HOOK1: variants seen among roughly 807,000 people sequenced by gnomAD.
HOOK1 encodes the protein hook microtubule tethering protein 1, also known as protein Hook homolog 1.
In HOOK1, 60 loss-of-function variants were observed where a neutral mutation model predicts 112.8. That is an observed-to-expected ratio of 0.53 (90% CI 0.43 to 0.66). The LOEUF is 0.66. HOOK1 is among the 30% of genes least tolerant of loss of function. HOOK1 has a pLI of 0.00. For missense variants in HOOK1, 770 were observed against 856.0 expected (o/e 0.90, Z 1.25); for synonymous variants, 294 against 283.8 (o/e 1.04, Z -0.36).
chr1:59,869,699 C>G (rs1644024463), intron 20 of HOOK1, among the ~76,000 whole-genome samples: 1 of 152,184 alleles, frequency 6.6e-6, no homozygotes, highest in African/African-American at 2.4e-5. Flanking sequence ...CGACACCAAC[C>G]CGATACGCCC....
At chr1:59,819,361 G>C (rs1008481038) in intron 1 of HOOK1, among the ~76,000 whole-genome samples, 1 of 151,834 alleles carries the variant, frequency 6.6e-6, no homozygotes, top group Non-Finnish European at 1.5e-5. Flanking sequence ...TGTTGGCCAG[G>C]CTGGTCTCGA....
At chr1:59,824,764 T>G (rs1176373911) in intron 2 of HOOK1, among the ~76,000 whole-genome samples, 2 of 152,194 alleles carry the variant, frequency 1.3e-5, no homozygotes, top group Non-Finnish European at 2.9e-5. Flanking sequence ...GTTTCTTAAT[T>G]ATTATCTTCA....
chr1:59,819,755 C>T (rs1159201162), intron 1 of HOOK1, among the ~76,000 whole-genome samples: 1 of 152,100 alleles, frequency 6.6e-6, no homozygotes. Context: ...TTCTAAGTTA[C>T]ACATTAAAAG....
At chr1:59,819,788 T>C (rs2102001279) in intron 1 of HOOK1, among the ~76,000 whole-genome samples, 1 of 152,348 alleles carries the variant, frequency 6.6e-6, no homozygotes. Context: ...TTGGAAGGGC[T>C]GAAAAGTGGA....
intron 9 of HOOK1, among the ~76,000 whole-genome samples, chr1:59,844,854 G>T (rs2098402821): frequency 6.6e-6 from 1 of 151,844 alleles, no homozygotes; most frequent in Non-Finnish European, 1.5e-5. Context: ...GTGAAAATTT[G>T]CTGCTAATCT....
Position 59,814,998 on chromosome 1 carries a change from G to T in HOOK1, c.-120G>T. The T allele has an allele frequency of 1.0e-6, 1 of 996,962 alleles. No individual in the cohort carries two copies. Among genetic ancestry groups the T allele is most frequent in the South Asian group, 1.4e-5 (1 of 69,446 alleles). 61.8% of individuals were successfully genotyped at this position (996,962 alleles called of 1,614,324 possible). A position where few individuals can be genotyped will look rare whatever the true frequency, so the allele number is the denominator to read the frequency against. ...CGAGGGTTCGCGCGTGAGCTGCGCG[G>T]GTCGGGCCTGGTACCGAGCTTTCCT... On this transcript the variant is annotated 5_prime_UTR_variant, in exon 1 of 22. Transcript: ENST00000371208.
intron 15 of HOOK1, among the ~76,000 whole-genome samples, chr1:59,860,851 G>A (rs1171493328): frequency 1.3e-5 from 2 of 150,422 alleles, no homozygotes; most frequent in Non-Finnish European, 2.9e-5. Context: ...TCGGCTCACT[G>A]CAACTTCCGC....
rs767941999 is a variant in HOOK1 at position 59,840,318 on chromosome 1, C to G, written c.548C>G (p.Ala183Gly). Residue 183 changes from alanine (A) to glycine (G), a missense_variant, in exon 8 of 22, where the codon GCC (alanine) becomes GGC (glycine). Ala to Gly is a moderately conservative substitution (Grantham distance 60). Around this residue, in one of 3 missense-constraint regions of HOOK1, gnomAD observed 655 missense variants for 725.9 expected, o/e 0.90. Coordinates refer to ENST00000371208, the MANE Select transcript of HOOK1 (RefSeq NM_015888.6). ...VGELEQQLKR[A>G]LEELQEALAE... ...CATTTTGTATTTCAGCTTAAAAGAG[C>G]CTTGGAAGAACTTCAGGAAGCACTA... 6.3e-7 allele frequency: 1 copy of G among 1,576,218 alleles called. No individual in the cohort carries two copies. The highest frequency in any genetic ancestry group is 1.8e-5 in the Admixed American group (1 of 54,122).
intron 20 of HOOK1, among the ~76,000 whole-genome samples, chr1:59,870,316 T>G (rs1312242647): frequency 6.6e-6 from 1 of 152,196 alleles, no homozygotes; most frequent in Non-Finnish European, 1.5e-5. Context: ...AGACACACAC[T>G]GCAAAAAGTA....
chr1:59,861,620 AT>A (rs1462798881), intron 15 of HOOK1, among the ~76,000 whole-genome samples: 1 of 152,224 alleles, frequency 6.6e-6, no homozygotes, highest in African/African-American at 2.4e-5. Context: ...GATAAGGAAT[AT>A]GGATACAGAG....
intron 12 of HOOK1, among the ~76,000 whole-genome samples, chr1:59,855,944 A>T (rs200557025): frequency 0.078 from 2,224 of 28,522 alleles, 126 homozygotes; most frequent in African/African-American, 0.23. Flanking sequence ...CAGCTAATTT[A>T]TATATATATA....
intron 1 of HOOK1, among the ~76,000 whole-genome samples, chr1:59,816,911 C>T (rs946195442): frequency 6.6e-6 from 1 of 152,166 alleles, no homozygotes; most frequent in African/African-American, 2.4e-5. Flanking sequence ...CCTAACATTG[C>T]CCATACTTAA....
chr1:59,829,716 AG>A (rs1372360206), intron 3 of HOOK1, among the ~76,000 whole-genome samples: 1 of 152,024 alleles, frequency 6.6e-6, no homozygotes, highest in Non-Finnish European at 1.5e-5. Flanking sequence ...TATTTTTTAA[AG>A]AATTAGTGTA....
At chr1:59,817,112 C>T (rs1281304633) in intron 1 of HOOK1, among the ~76,000 whole-genome samples, 3 of 152,228 alleles carry the variant, frequency 2.0e-5, no homozygotes, top group African/African-American at 7.2e-5. Context: ...TTTACAACTA[C>T]TTTCTCTCCA....
chr1:59,836,836 C>A, intron 6 of HOOK1, 37 bp from the exon 7 acceptor site: 2 of 1,123,380 alleles, frequency 1.8e-6, no homozygotes, highest in Admixed American at 1.9e-5. Context: ...ATAAACATCA[C>A]ATTGTTATAC....
rs1195704830 is a variant in HOOK1, at chr1:59,875,500, TG to T, written c.*2537del. ...ATGTAGTGAGTTGACACCCTGTGGGTGGTAAAGCATTATAAACATTTCATCT... is the reference window on the plus strand; with the variant it reads ...ATGTAGTGAGTTGACACCCTGTGGGTGTAAAGCATTATAAACATTTCATCT... On this transcript the variant is annotated 3_prime_UTR_variant, in exon 22 of 22. Transcript: ENST00000371208. 6.6e-6 allele frequency: 1 copy of T among 152,604 alleles called. No homozygotes were observed. The highest frequency in any genetic ancestry group is 2.1e-4 in the South Asian group (1 of 4,832). The allele number at this position is 152,604 out of a possible 1,614,324, so 9.5% of individuals were successfully genotyped here.
At position 59,848,329 on chromosome 1, in the gene HOOK1, A is replaced by T. The variant is rs538188681; in HGVS notation, c.944A>T (p.Lys315Ile). The change falls in exon 11 of 22, where the codon AAA (lysine) becomes ATA (isoleucine). Residue 315 changes from lysine to isoleucine, a missense_variant. Coordinates refer to ENST00000371208, the MANE Select transcript of HOOK1 (RefSeq NM_015888.6). Reference sequence around the variant, plus strand: ...TATGATTATAGGGCTACCTCTGATAAAGCAAATAAACTGGAGTCAACAGTT... The same window carrying T: ...TATGATTATAGGGCTACCTCTGATATAGCAAATAAACTGGAGTCAACAGTT... ...EIDVLRATSD[K>I]ANKLESTVEI... 6.2e-7 allele frequency: 1 copy of T among 1,610,390 alleles called. No homozygotes were observed. Among genetic ancestry groups the T allele is most frequent in the East Asian group, 2.2e-5 (1 of 44,728 alleles).
intron 2 of HOOK1, among the ~76,000 whole-genome samples, chr1:59,826,156 GT>G (rs1385498771): frequency 6.6e-6 from 1 of 152,124 alleles, no homozygotes; most frequent in Admixed American, 6.5e-5. Context: ...TTAAAATGTA[GT>G]AATTCTTACT....
intron 19 of HOOK1, among the ~76,000 whole-genome samples, chr1:59,866,971 A>G (rs1348050253): frequency 5.3e-5 from 8 of 152,226 alleles, no homozygotes; most frequent in Admixed American, 3.9e-4. Flanking sequence ...GGATAAGACC[A>G]TAAGATGCCT....
Sources: gnomAD v4.1 joint callset for allele counts (sites outside exome capture counted in the v4.1 genomes callset) on GRCh38, gnomAD v4.1.1 for gene constraint, gnomAD v4.1.1 regional missense constraint, MANE v1.5 for transcripts, NCBI Gene and HGNC (gene_info 2026-07-23, HGNC 2026-07-21) for gene names.